The following ATG5 variants were observed in gnomAD, a reference collection of about 807,000 sequenced individuals.
ATG5 encodes the protein autophagy related 5, also known as autophagy protein 5.
In ATG5, 14 loss-of-function variants were observed where a neutral mutation model predicts 36.5. The observed-to-expected ratio is 0.38, with a 90% confidence interval of 0.25 to 0.60. ATG5 has a LOEUF of 0.60. Among genes scored for constraint, ATG5 ranks in the 20% least tolerant of loss-of-function variants. ATG5 has a pLI of 0.60. For synonymous variants in ATG5, 95 were observed against 101.5 expected (o/e 0.94, Z 0.38); for missense variants, 195 against 326.7 (o/e 0.60, Z 3.11).
chr6:106,307,865 A>T (rs1770508394), intron 3 of ATG5, among the ~76,000 whole-genome samples: 1 of 152,068 alleles, frequency 6.6e-6, no homozygotes, highest in South Asian at 2.1e-4. Context: ...CAAAACATCA[A>T]ATTTATTTTT....
At chr6:106,257,008 C>T (rs1778827863) in intron 5 of ATG5, among the ~76,000 whole-genome samples, 1 of 152,112 alleles carries the variant, frequency 6.6e-6, no homozygotes, top group South Asian at 2.1e-4. Context: ...TTTTTTATAT[C>T]CTTATTCTAT....
At chr6:106,284,216 G>A (rs2114611282) in intron 4 of ATG5, among the ~76,000 whole-genome samples, 1 of 152,304 alleles carries the variant, frequency 6.6e-6, no homozygotes, top group East Asian at 1.9e-4. Context: ...TAGAACTGCT[G>A]TGTAATGTGG....
At chr6:106,316,906 CCTA>C (rs1317795730) in intron 1 of ATG5, among the ~76,000 whole-genome samples, 1 of 152,140 alleles carries the variant, frequency 6.6e-6, no homozygotes, top group Non-Finnish European at 1.5e-5. Context: ...TTCTCTGTAT[CCTA>C]CTATTCCCCT....
rs144147227 is a variant in ATG5, at chr6:106,288,640, G to A, written c.315+4388C>T. On this transcript the variant is annotated intron_variant, in intron 4 of 7. Coordinates refer to ENST00000369076, the MANE Select transcript of ATG5 (RefSeq NM_004849.4). ...CTCTTGTTAATCAACATGTGGTCTGGTGGAACAATATCATAGCATTACCTA... is the reference window on the plus strand; with the variant it reads ...CTCTTGTTAATCAACATGTGGTCTGATGGAACAATATCATAGCATTACCTA... 4.2e-3 allele frequency among the ~76,000 whole-genome samples: 643 copies of A among 152,220 alleles called. 3 individuals are homozygous for A. Among genetic ancestry groups the A allele is most frequent in the African/African-American group, 0.014 (591 of 41,542 alleles).
At chr6:106,208,267 T>G (rs1034855441) in intron 6 of ATG5, among the ~76,000 whole-genome samples, 10 of 152,126 alleles carry the variant, frequency 6.6e-5, no homozygotes, top group East Asian at 1.9e-4. Flanking sequence ...TGTAAACACA[T>G]ATGTATATGT....
At chr6:106,259,876 T>C (rs1379329382) in intron 5 of ATG5, among the ~76,000 whole-genome samples, 4 of 152,166 alleles carry the variant, frequency 2.6e-5, no homozygotes, top group African/African-American at 7.2e-5. Context: ...CTATCAATGA[T>C]AGACTGGATT....
At chr6:106,287,718 C>T (rs1332744949) in intron 4 of ATG5, among the ~76,000 whole-genome samples, 1 of 152,156 alleles carries the variant, frequency 6.6e-6, no homozygotes, top group Non-Finnish European at 1.5e-5. Flanking sequence ...TGTCATTAAA[C>T]TTTTGAATCA....
At chr6:106,270,184 T>C (rs1184548223) in intron 5 of ATG5, among the ~76,000 whole-genome samples, 2 of 152,144 alleles carry the variant, frequency 1.3e-5, no homozygotes, top group Admixed American at 1.3e-4. Flanking sequence ...AAAATGCAAA[T>C]GCATGAACTC....
chr6:106,192,944 C>G (rs1413255564), intron 7 of ATG5, among the ~76,000 whole-genome samples: 4 of 152,166 alleles, frequency 2.6e-5, no homozygotes, highest in Non-Finnish European at 5.9e-5. Flanking sequence ...ATACATCATG[C>G]TGAAGGATTT....
intron 7 of ATG5, among the ~76,000 whole-genome samples, chr6:106,200,024 TG>T (rs1776354367): frequency 6.6e-6 from 1 of 152,228 alleles, no homozygotes; most frequent in African/African-American, 2.4e-5. Context: ...TTTCTGGCAT[TG>T]GTTCTGACAG....
chr6:106,237,228 TAAAC>T (rs1250913544), intron 6 of ATG5, among the ~76,000 whole-genome samples: 7 of 152,068 alleles, frequency 4.6e-5, no homozygotes, highest in Non-Finnish European at 8.8e-5. Flanking sequence ...AAAGCAAAAC[TAAAC>T]CCAATAAGAG....
chr6:106,288,297 A>G (rs1216837669), intron 4 of ATG5, among the ~76,000 whole-genome samples: 1 of 152,028 alleles, frequency 6.6e-6, no homozygotes. Flanking sequence ...TATATGTTTA[A>G]ATTTTTTAAT....
At chr6:106,244,378 G>A (rs182909529) in intron 6 of ATG5, among the ~76,000 whole-genome samples, 171 of 152,198 alleles carry the variant, frequency 1.1e-3, no homozygotes, top group Non-Finnish European at 2.2e-3. Flanking sequence ...GAGAAAACTC[G>A]TTAATATGGC....
At chr6:106,275,647 C>A (rs1181591293) in intron 5 of ATG5, among the ~76,000 whole-genome samples, 1 of 151,730 alleles carries the variant, frequency 6.6e-6, no homozygotes, top group Non-Finnish European at 1.5e-5. Context: ...ACAATATGAG[C>A]CAAGGCAGAA....
intron 1 of ATG5, among the ~76,000 whole-genome samples, chr6:106,318,880 T>C (rs775884961): frequency 6.6e-6 from 1 of 152,198 alleles, no homozygotes. Flanking sequence ...TTTAAAAATA[T>C]GTAAGAAAAA....
chr6:106,310,134 G>A lies in ATG5; in HGVS notation c.109-1643C>T, dbSNP rs1770595464. Among the ~76,000 whole-genome samples the A allele has an allele frequency of 2.0e-5, 3 of 152,108 alleles. No homozygotes were observed. In the South Asian group the frequency reaches 6.2e-4, roughly 32 times the overall value. ...GGAATTTTTGTCTGTTTTGTTCAAT[G>A]CTACATTTCCACTGCCCAAAATAGT... On this transcript the variant is annotated intron_variant, in intron 2 of 7. Coordinates refer to ENST00000369076, the MANE Select transcript of ATG5 (RefSeq NM_004849.4).
chr6:106,296,541 G>C (rs1489350980), intron 3 of ATG5, among the ~76,000 whole-genome samples: 1 of 152,194 alleles, frequency 6.6e-6, no homozygotes, highest in Non-Finnish European at 1.5e-5. Flanking sequence ...ATGCAGGCTG[G>C]GCGTGGTGGC....
At chr6:106,313,092 G>A (rs994825508) in intron 2 of ATG5, among the ~76,000 whole-genome samples, 2 of 152,122 alleles carry the variant, frequency 1.3e-5, no homozygotes, top group African/African-American at 4.8e-5. Flanking sequence ...AGGTGGAGGT[G>A]GGAGAAGATC....
At chr6:106,186,801 G>T in intron 7 of ATG5, 125 bp from the exon 8 acceptor site, 1 of 1,114,214 alleles carries the variant, frequency 9.0e-7, no homozygotes, top group Non-Finnish European at 1.3e-6. Flanking sequence ...CCCTGAACAG[G>T]AAATGTGGAC....
Sources: gnomAD v4.1 joint callset for allele counts (sites outside exome capture counted in the v4.1 genomes callset) on GRCh38, gnomAD v4.1.1 for gene constraint, MANE v1.5 for transcripts, NCBI Gene and HGNC (gene_info 2026-07-23, HGNC 2026-07-21) for gene names.